Variants in DLGAP2 observed in about 807,000 individuals in gnomAD.
DLGAP2 encodes disks large-associated protein 2.
In DLGAP2, 26 loss-of-function variants were observed where a neutral mutation model predicts 100.3. That is an observed-to-expected ratio of 0.26 (90% CI 0.19 to 0.36). The LOEUF is 0.36. Among genes scored for constraint, DLGAP2 ranks in the 10% least tolerant of loss-of-function variants. DLGAP2 has a pLI of 1.00. For missense variants in DLGAP2, 1,858 were observed against 1,453.2 expected (o/e 1.28, Z -4.53); for synonymous variants, 886 against 630.1 (o/e 1.41, Z -6.08).
In DLGAP2 at chr8:1,006,301, G is replaced by A. The variant is rs551512661; in HGVS notation, c.73+98335G>A. On this transcript the variant is annotated intron_variant, in intron 2 of 14. Transcript: ENST00000637795. ...GCCTTTATCACATCGAGGACGCCAT[G>A]TGTCTGAAGTCTCAGAATACGGTCC... Among the ~76,000 whole-genome samples, 4 of 152,348 alleles carry A rather than the reference G, an allele frequency of 2.6e-5. No homozygotes were observed. The South Asian group carries it at 8.3e-4, about 32-fold the overall frequency.
At chr8:1,700,346 G>A (rs1055718220) in intron 14 of DLGAP2, among the ~76,000 whole-genome samples, 3 of 152,188 alleles carry the variant, frequency 2.0e-5, no homozygotes, top group Non-Finnish European at 2.9e-5. Context: ...AGCTGGCTAC[G>A]GAGAGTCCCT....
rs751564736 is a variant in DLGAP2 at position 1,549,508 on chromosome 8, C to T, written c.1055C>T (p.Ser352Leu). Residue 352 changes from serine to leucine, a missense_variant, in exon 5 of 15, where the codon TCG becomes TTG. Coordinates refer to ENST00000637795, the MANE Select transcript of DLGAP2 (RefSeq NM_001346810.2). ...TSKSNNDVKCSACEGLALTPD... is the reference protein window; with the variant it reads ...TSKSNNDVKCLACEGLALTPD... ...AAGAGCAACAACGACGTCAAGTGCT[C>T]GGCCTGTGAGGGGTTGGCGCTGACG... 5 of 1,613,496 alleles carry T rather than the reference C, an allele frequency of 3.1e-6. No individual in the cohort carries two copies. The highest frequency in any genetic ancestry group is 4.2e-6 in the Non-Finnish European group (5 of 1,179,846).
chr8:1,189,316 C>T (rs1797585782), intron 2 of DLGAP2, among the ~76,000 whole-genome samples: 1 of 152,202 alleles, frequency 6.6e-6, no homozygotes, highest in South Asian at 2.1e-4. Context: ...GGCGGGAGAC[C>T]CAGGAGCCCA....
At chr8:1,633,201 C>T (rs1247497725) in intron 8 of DLGAP2, among the ~76,000 whole-genome samples, 155 bp downstream of exon 8, 2 of 152,150 alleles carry the variant, frequency 1.3e-5, no homozygotes, top group Non-Finnish European at 2.9e-5. Context: ...CTGTCACATT[C>T]GCAAGGGTGT....
chr8:1,346,643 C>T (rs373614348), intron 3 of DLGAP2, among the ~76,000 whole-genome samples: 1 of 151,216 alleles, frequency 6.6e-6, no homozygotes, highest in East Asian at 2.0e-4. Context: ...AGCTGCATTG[C>T]ACTCACGGTA....
Position 1,359,999 on chromosome 8 carries a change from T to A in DLGAP2, c.106+101116T>A, listed in dbSNP as rs1461029912. Among the ~76,000 whole-genome samples, 3 of 152,130 alleles carry A rather than the reference T, an allele frequency of 2.0e-5. No homozygotes were observed. The East Asian group carries it at 5.8e-4, about 29-fold the overall frequency. On this transcript the variant is annotated intron_variant, in intron 3 of 14. Coordinates refer to ENST00000637795, the MANE Select transcript of DLGAP2 (RefSeq NM_001346810.2). Reference sequence around the variant, plus strand: ...TGCCAGCACACCTCAGCATCGCCGGTGTTTCAGCAAAGAATCCAAAGAAGA... The same window carrying A: ...TGCCAGCACACCTCAGCATCGCCGGAGTTTCAGCAAAGAATCCAAAGAAGA...
chr8:1,055,731 C>A (rs1250156306), intron 2 of DLGAP2, among the ~76,000 whole-genome samples: 1 of 152,184 alleles, frequency 6.6e-6, no homozygotes, highest in Non-Finnish European at 1.5e-5. Flanking sequence ...GCCCGGGAAT[C>A]GGCAGCCAGC....
At chr8:1,152,539 A>G (rs1454253124) in intron 2 of DLGAP2, among the ~76,000 whole-genome samples, 1 of 152,120 alleles carries the variant, frequency 6.6e-6, no homozygotes, top group Non-Finnish European at 1.5e-5. Context: ...CCTTTTTTGT[A>G]TGACTTAAAA....
Position 1,350,377 on chromosome 8 carries a change from A to G in DLGAP2, c.106+91494A>G, listed in dbSNP as rs1330568153. Among the ~76,000 whole-genome samples the G allele has an allele frequency of 4.6e-5, 4 of 86,166 alleles. 1 individual carries two copies. The highest frequency in any genetic ancestry group is 2.6e-4 in the Admixed American group (2 of 7,682). The allele number at this position is 86,166 out of a possible 152,430, so 56.5% of individuals were successfully genotyped here. ...GTGTGGAAAGGCCGCGTGGGTCCTGACTGTGCGTGGAAAGGCCGCGCGGGT... is the reference window on the plus strand; with the variant it reads ...GTGTGGAAAGGCCGCGTGGGTCCTGGCTGTGCGTGGAAAGGCCGCGCGGGT... On this transcript the variant is annotated intron_variant, in intron 3 of 14. Transcript: ENST00000637795.
chr8:1,518,606 A>G (rs1329451648), intron 4 of DLGAP2, among the ~76,000 whole-genome samples: 1 of 152,154 alleles, frequency 6.6e-6, no homozygotes, highest in Non-Finnish European at 1.5e-5. Context: ...ATTTCGGCCC[A>G]GACACCCTTA....
intron 2 of DLGAP2, among the ~76,000 whole-genome samples, chr8:1,090,469 G>A (rs545776057): frequency 6.6e-6 from 1 of 152,250 alleles, no homozygotes; most frequent in African/African-American, 2.4e-5. Context: ...CCACGACAGG[G>A]TTCGCCTGTG....
At chr8:1,663,178 T>G (rs1798457668) in intron 8 of DLGAP2, among the ~76,000 whole-genome samples, 1 of 149,952 alleles carries the variant, frequency 6.7e-6, no homozygotes, top group Admixed American at 6.7e-5. Flanking sequence ...TGTGTACACG[T>G]GTGAGTGTGG....
chr8:867,353 C>T (rs534363595), intron 1 of DLGAP2, among the ~76,000 whole-genome samples: 1 of 152,160 alleles, frequency 6.6e-6, no homozygotes, highest in African/African-American at 2.4e-5. Context: ...CAAAAATAAA[C>T]CCTTTAAGCT....
At position 1,549,304 on chromosome 8, in the gene DLGAP2, A is replaced by C. The variant is rs879145597; in HGVS notation, c.851A>C (p.Lys284Thr). 6.2e-7 allele frequency: 1 copy of C among 1,612,696 alleles called. No homozygotes were observed. Residue 284 changes from lysine to threonine, a missense_variant, in exon 5 of 15, where the codon AAG becomes ACG. Physicochemically the swap from Lys to Thr is moderately conservative, Grantham distance 78. Transcript: ENST00000637795. ...AAGAGGAGCAAGAGCAAGGAGCGCA[A>C]GCCGGAGGGCAAGCCCCGGCCCGGC... ...HSKRSKSKER[K>T]PEGKPRPGMS... is the part of the protein sequence containing the mutation.
rs184113887 is a variant in DLGAP2 at position 774,452 on chromosome 8, G to C, written c.18+36627G>C. ...CCTATGTCCTGAATGGCAATGCCTA[G>C]GTTTTCTTCTAGGGTTTTTATGGTT... On this transcript the variant is annotated intron_variant, in intron 1 of 14. Transcript: ENST00000637795. 4.7e-3 allele frequency among the ~76,000 whole-genome samples: 709 copies of C among 152,244 alleles called. 5 individuals carry two copies. Among genetic ancestry groups the C allele is most frequent in the African/African-American group, 0.016 (672 of 41,536 alleles).
intron 2 of DLGAP2, among the ~76,000 whole-genome samples, chr8:1,040,622 G>A (rs1361929876): frequency 3.5e-5 from 5 of 141,374 alleles, no homozygotes; most frequent in East Asian, 4.4e-4. Flanking sequence ...GTGCGTGGTC[G>A]GCTCGATTTC....
At chr8:1,408,872 C>T (rs1175053280) in intron 3 of DLGAP2, among the ~76,000 whole-genome samples, 1 of 152,188 alleles carries the variant, frequency 6.6e-6, no homozygotes, top group African/African-American at 2.4e-5. Context: ...GAGAAGAAAG[C>T]TGGGCAGTGG....
At chr8:937,744 G>A (rs1183193895) in intron 2 of DLGAP2, among the ~76,000 whole-genome samples, 1 of 152,180 alleles carries the variant, frequency 6.6e-6, no homozygotes, top group Non-Finnish European at 1.5e-5. Context: ...AAGGGAATCT[G>A]GTGTTGTCTG....
intron 2 of DLGAP2, among the ~76,000 whole-genome samples, chr8:995,375 A>C (rs1800755930): frequency 1.3e-5 from 2 of 152,226 alleles, no homozygotes; most frequent in East Asian, 3.8e-4. Context: ...ATATTATAGT[A>C]ACTTTGTAAT....
Sources: allele counts gnomAD v4.1 joint callset (sites outside exome capture counted in the v4.1 genomes callset), GRCh38; gene constraint gnomAD v4.1.1; transcripts MANE v1.5; gene names NCBI Gene and HGNC (gene_info 2026-07-23, HGNC 2026-07-21).